RBFOX1: variants seen among roughly 807,000 people sequenced by gnomAD.
RBFOX1 encodes the protein RNA binding protein fox-1 homolog 1.
In RBFOX1, 8 loss-of-function variants were observed where a neutral mutation model predicts 57.7. The observed-to-expected ratio is 0.14, with a 90% CI of 0.08 to 0.25. The LOEUF is 0.25. Ranked by LOEUF, RBFOX1 falls within the 10% of genes least tolerant of loss-of-function variation. RBFOX1 has a pLI of 1.00. For missense variants in RBFOX1, 611 were observed against 548.5 expected, an observed-to-expected ratio of 1.11 and a Z score of -1.14; for synonymous variants, 326 against 222.4, an observed-to-expected ratio of 1.47 and a Z score of -4.15.
chr16:6,487,681 AAAAAAAAAAAAAAAAAAAAATATATATAT>A (rs2095517862), intron 2 of RBFOX1, among the ~76,000 whole-genome samples: 4 of 9,596 alleles, frequency 4.2e-4, no homozygotes, highest in African/African-American at 8.7e-4. Context: ...TGTAAAAAAA[AAAAAAAAAAAAAAAAAAAAATATATATAT>A]ATATATATAT....
At chr16:6,094,850 A>G (rs911186921) in intron 1 of RBFOX1, among the ~76,000 whole-genome samples, 1 of 152,244 alleles carries the variant, frequency 6.6e-6, no homozygotes, top group African/African-American at 2.4e-5. Context: ...ACCTGAGGTC[A>G]TAAGTTTGAG....
At chr16:6,505,424 C>G (rs957472377) in intron 2 of RBFOX1, among the ~76,000 whole-genome samples, 1 of 152,114 alleles carries the variant, frequency 6.6e-6, no homozygotes, top group Non-Finnish European at 1.5e-5. Context: ...ACAAAATGCT[C>G]CCATTACATC....
chr16:6,571,147 A>G (rs528286775), intron 2 of RBFOX1, among the ~76,000 whole-genome samples: 3 of 152,196 alleles, frequency 2.0e-5, no homozygotes, highest in Non-Finnish European at 4.4e-5. Flanking sequence ...CATTTCAGGC[A>G]TATAGCCCGT....
chr16:7,143,801 A>G (rs948685392), intron 4 of RBFOX1, among the ~76,000 whole-genome samples: 8 of 152,204 alleles, frequency 5.3e-5, no homozygotes, highest in African/African-American at 1.7e-4. Flanking sequence ...CTTACTGTGT[A>G]TACTGCTTAT....
rs1349047201 is a variant in RBFOX1 at position 7,314,107 on chromosome 16, G to A, written c.28-204040G>A. On this transcript the variant is annotated intron_variant, in intron 4 of 15. Coordinates refer to ENST00000550418, the MANE Select transcript of RBFOX1 (RefSeq NM_018723.4). ...ACAAACCATGAGGCTTTTGGACTTG[G>A]GGAGGAGGAAGGGAGAGGGGAAAGA... Among the ~76,000 whole-genome samples, 6 of 152,280 alleles carry A rather than the reference G, an allele frequency of 3.9e-5. No homozygotes were observed. In the East Asian group the frequency reaches 7.7e-4, roughly 20 times the overall value.
intron 2 of RBFOX1, among the ~76,000 whole-genome samples, chr16:6,503,207 T>C (rs2095990026): frequency 6.6e-6 from 1 of 151,766 alleles, no homozygotes; most frequent in Admixed American, 6.6e-5. Flanking sequence ...TTCATAACAT[T>C]TTTTTAATAA....
chr16:5,979,368 G>A (rs1199761346), intron 4 of RBFOX1, among the ~76,000 whole-genome samples: 1 of 152,208 alleles, frequency 6.6e-6, no homozygotes, highest in Non-Finnish European at 1.5e-5. Context: ...ATAGCCAGCA[G>A]TCAAAATTTG....
At chr16:6,441,152 G>A (rs909168234) in intron 2 of RBFOX1, among the ~76,000 whole-genome samples, 2 of 152,158 alleles carry the variant, frequency 1.3e-5, no homozygotes, top group Admixed American at 6.6e-5. Flanking sequence ...ACATGCCCTG[G>A]GGGGTGGTGA....
intron 3 of RBFOX1, among the ~76,000 whole-genome samples, chr16:7,034,975 G>A (rs1027499934): frequency 2.3e-4 from 35 of 150,124 alleles, no homozygotes; most frequent in African/African-American, 8.6e-4. Context: ...CAGCCTCTGA[G>A]TAGCTGGGCC....
intron 4 of RBFOX1, among the ~76,000 whole-genome samples, chr16:7,163,804 A>G (rs2078885788): frequency 6.6e-6 from 1 of 152,014 alleles, no homozygotes. Context: ...CTGTAGGCGC[A>G]TGCCACCACA....
chr16:7,704,946 C>G (rs771603883), intron 14 of RBFOX1, among the ~76,000 whole-genome samples: 1 of 151,350 alleles, frequency 6.6e-6, no homozygotes, highest in Non-Finnish European at 1.5e-5. Context: ...ACTGGGGAGG[C>G]TGAGGCAGAA....
rs934907801 is a variant in RBFOX1, at chr16:6,019,542, A to G, written c.-577A>G. 9.4e-7 allele frequency: 1 copy of G among 1,068,874 alleles called. No individual in the cohort carries two copies. Among genetic ancestry groups the G allele is most frequent in the African/African-American group, 1.7e-5 (1 of 60,112 alleles). The allele number at this position is 1,068,874 out of a possible 1,614,324, so 66.2% of individuals were successfully genotyped here. ...CGGGGGCGCTCTGCCAGCCCCGGGA[A>G]CAGCAGAGGCGGCGGCACTGGCTGG... On this transcript the variant is annotated 5_prime_UTR_variant, in exon 1 of 16. Transcript: ENST00000550418. This position sits in a 1 kb window ranked among gnomAD's most constrained non-coding sequence, Gnocchi z 4.2.
rs1247815573 is a variant in RBFOX1, at chr16:7,604,330, G to A, written c.623-2955G>A. On this transcript the variant is annotated intron_variant, in intron 9 of 15. Coordinates refer to ENST00000550418, the MANE Select transcript of RBFOX1 (RefSeq NM_018723.4). ...TAGAAGGGATCAAGGATGGGAAGAA[G>A]GTTGACACCTGCACTCATGTTCCCA... Among the ~76,000 whole-genome samples, 3 of 152,116 alleles carry A rather than the reference G, an allele frequency of 2.0e-5. No homozygotes were observed. In the South Asian group the frequency reaches 6.2e-4, roughly 32 times the overall value.
chr16:6,919,313 TC>T (rs2073949723), intron 3 of RBFOX1, among the ~76,000 whole-genome samples: 1 of 152,148 alleles, frequency 6.6e-6, no homozygotes, highest in Admixed American at 6.5e-5. Context: ...CTTGACCAAT[TC>T]CTATTTATCC....
chr16:7,054,947 C>T (rs1015727367), intron 4 of RBFOX1, among the ~76,000 whole-genome samples: 2 of 152,142 alleles, frequency 1.3e-5, no homozygotes, highest in Non-Finnish European at 2.9e-5. Flanking sequence ...CTGTTTTGTG[C>T]CCCATCGAGG....
At position 5,850,303 on chromosome 16, in the gene RBFOX1, A is replaced by G. The variant is rs572214508; in HGVS notation, c.319-17000A>G. Among the ~76,000 whole-genome samples the G allele has an allele frequency of 2.0e-3, 309 of 152,352 alleles. 2 individuals are homozygous for G. Among genetic ancestry groups the G allele is most frequent in the African/African-American group, 7.2e-3 (299 of 41,578 alleles). On this transcript the variant is annotated intron_variant, in intron 3 of 19. Transcript: ENST00000641259. ...GAGTGAGAGAAAGGGAAAAGGTAAGATAAGTGACCTTCCAGAAAGAAAATG... is the reference window on the plus strand; with the variant it reads ...GAGTGAGAGAAAGGGAAAAGGTAAGGTAAGTGACCTTCCAGAAAGAAAATG...
rs544094153 is a variant in RBFOX1 at position 7,576,139 on chromosome 16, T to A, written c.271-3638T>A. On this transcript the variant is annotated intron_variant, in intron 5 of 15. Coordinates refer to ENST00000550418, the MANE Select transcript of RBFOX1 (RefSeq NM_018723.4). ...TTATTTAGTGGAGACAGGGTCTCAC[T>A]ATGTTGCAGGCTGGTGTCAAATGAT... Among the ~76,000 whole-genome samples the A allele has an allele frequency of 1.3e-3, 197 of 151,812 alleles. 2 individuals are homozygous for A. The highest frequency in any genetic ancestry group is 8.8e-4 in the Non-Finnish European group (60 of 67,956).
chr16:6,378,735 A>G (rs1156695652), intron 2 of RBFOX1, among the ~76,000 whole-genome samples: 4 of 152,158 alleles, frequency 2.6e-5, no homozygotes, highest in Non-Finnish European at 4.4e-5. Flanking sequence ...CAACCCCCTC[A>G]TCACTCCTGG....
chr16:7,230,981 C>A (rs556851334), intron 4 of RBFOX1, among the ~76,000 whole-genome samples: 1 of 152,182 alleles, frequency 6.6e-6, no homozygotes, highest in East Asian at 1.9e-4. Flanking sequence ...GGGTCTGAGT[C>A]CCAGAATTCA....
Sources: allele counts gnomAD v4.1 joint callset (sites outside exome capture counted in the v4.1 genomes callset), GRCh38; gene constraint gnomAD v4.1.1; non-coding constraint Gnocchi (gnomAD v3.1); transcripts MANE v1.5; gene names NCBI Gene and HGNC (gene_info 2026-07-23, HGNC 2026-07-21).